The following SCAMP1 variants were observed in gnomAD, a reference collection of about 807,000 sequenced individuals.
The protein encoded by SCAMP1 is secretory carrier membrane protein 1.
SCAMP1 carries 15 observed loss-of-function variants against 41.8 expected under a neutral mutation model. The ratio of observed to expected loss-of-function variants is 0.36; its 90% confidence interval spans 0.24 to 0.55. The LOEUF (loss-of-function observed/expected upper bound fraction) is 0.55, where lower values mean the gene tolerates loss of function less well. Ranked by LOEUF, SCAMP1 falls within the 20% of genes least tolerant of loss-of-function variation. The pLI is 0.86. For synonymous variants in SCAMP1, 135 were observed against 136.8 expected (o/e 0.99, Z 0.09); for missense variants, 341 against 412.6 (o/e 0.83, Z 1.50).
chr5:78,379,561 C>T (rs1309202488), intron 1 of SCAMP1, among the ~76,000 whole-genome samples: 6 of 152,110 alleles, frequency 3.9e-5, no homozygotes, highest in Non-Finnish European at 8.8e-5. Context: ...TATCAAATTG[C>T]CTGTTAACTT....
At chr5:78,415,879 C>G (rs1202620491) in intron 3 of SCAMP1, among the ~76,000 whole-genome samples, 2 of 151,862 alleles carry the variant, frequency 1.3e-5, no homozygotes, top group Non-Finnish European at 2.9e-5. Context: ...TGCCTTTGGT[C>G]CCACTTTTTA....
intron 2 of SCAMP1, among the ~76,000 whole-genome samples, chr5:78,407,875 G>A (rs1751972789): frequency 6.6e-6 from 1 of 152,088 alleles, no homozygotes; most frequent in Non-Finnish European, 1.5e-5. Context: ...AATTCTGATA[G>A]TCTCTTGTTA....
chr5:78,403,816 T>G (rs1322157074), intron 2 of SCAMP1, among the ~76,000 whole-genome samples: 1 of 151,704 alleles, frequency 6.6e-6, no homozygotes, highest in Non-Finnish European at 1.5e-5. Flanking sequence ...AAATACAAAA[T>G]TAGCTGGGTG....
chr5:78,398,293 G>A (rs1360989191), intron 2 of SCAMP1, among the ~76,000 whole-genome samples: 1 of 150,278 alleles, frequency 6.7e-6, no homozygotes, highest in Non-Finnish European at 1.5e-5. Flanking sequence ...TCAAACAATT[G>A]GTGAATCTAT....
chr5:78,401,393 G>A (rs1751794312), intron 2 of SCAMP1, among the ~76,000 whole-genome samples: 2 of 152,126 alleles, frequency 1.3e-5, no homozygotes, highest in South Asian at 4.1e-4. Flanking sequence ...GATTGAGACT[G>A]TATGGAATTA....
chr5:78,364,838 A>G (rs1181791002), intron 1 of SCAMP1, among the ~76,000 whole-genome samples: 1 of 136,842 alleles, frequency 7.3e-6, no homozygotes, highest in Non-Finnish European at 1.5e-5. Context: ...GAATAATGAG[A>G]ACACTTGGAC....
chr5:78,388,947 TGA>T (rs1751417059), intron 2 of SCAMP1, 33 bp downstream of exon 2: 2 of 1,079,126 alleles, frequency 1.9e-6, no homozygotes, highest in Non-Finnish European at 2.7e-6. Flanking sequence ...ATGTTTAAAT[TGA>T]AATTCAGTAG....
intron 6 of SCAMP1, among the ~76,000 whole-genome samples, chr5:78,428,868 G>A (rs1752530199): frequency 6.6e-6 from 1 of 151,878 alleles, no homozygotes; most frequent in Non-Finnish European, 1.5e-5. Context: ...TCCTTTTTAT[G>A]TTATTTTAGG....
At chr5:78,406,929 A>G (rs983479633) in intron 2 of SCAMP1, among the ~76,000 whole-genome samples, 2 of 151,748 alleles carry the variant, frequency 1.3e-5, no homozygotes, top group Non-Finnish European at 2.9e-5. Context: ...TTTGTCTCCA[A>G]CTCTGCACAC....
intron 7 of SCAMP1, among the ~76,000 whole-genome samples, chr5:78,452,330 C>T (rs1433641920): frequency 4.5e-5 from 6 of 133,674 alleles, no homozygotes; most frequent in Admixed American, 7.6e-5. Flanking sequence ...GCTATCCCTC[C>T]CCCCTCCCTC....
chr5:78,456,366 T>C (rs1023104459), intron 7 of SCAMP1, among the ~76,000 whole-genome samples: 1 of 152,222 alleles, frequency 6.6e-6, no homozygotes, highest in African/African-American at 2.4e-5. Flanking sequence ...AGGAACTCTT[T>C]TAGGGCAGGC....
intron 7 of SCAMP1, among the ~76,000 whole-genome samples, chr5:78,457,142 A>G (rs938575493): frequency 1.3e-5 from 2 of 149,738 alleles, no homozygotes; most frequent in African/African-American, 5.0e-5. Context: ...GTCCTCCCGT[A>G]GCTCAGAGTA....
chr5:78,429,551 G>T (rs1752551623), intron 6 of SCAMP1, among the ~76,000 whole-genome samples: 1 of 151,880 alleles, frequency 6.6e-6, no homozygotes, highest in South Asian at 2.1e-4. Flanking sequence ...TTCCTTCTGG[G>T]AGTTGCAATG....
intron 1 of SCAMP1, among the ~76,000 whole-genome samples, chr5:78,379,504 A>G (rs1279540280): frequency 6.6e-6 from 1 of 152,186 alleles, no homozygotes; most frequent in Non-Finnish European, 1.5e-5. Flanking sequence ...TTTGTCATCT[A>G]ATACTGCATT....
chr5:78,469,927 A>C (rs1753842009), intron 8 of SCAMP1, among the ~76,000 whole-genome samples: 1 of 19,398 alleles, frequency 5.2e-5, no homozygotes, highest in Non-Finnish European at 1.0e-4. Context: ...AAAAAAAAAA[A>C]AAAAACAACA....
chr5:78,382,811 G>GTGTGTGTGTGTGTGTT (rs1189365616), intron 1 of SCAMP1, among the ~76,000 whole-genome samples: 953 of 69,254 alleles, frequency 0.014, 17 homozygotes, highest in African/African-American at 0.034. Flanking sequence ...GTGTGTGTGT[G>GTGTGTGTGTGTGTGTT]TGTGTGTGCG....
intron 1 of SCAMP1, among the ~76,000 whole-genome samples, chr5:78,387,079 C>T (rs553509439): frequency 3.3e-5 from 5 of 152,258 alleles, no homozygotes; most frequent in East Asian, 1.9e-4. Flanking sequence ...TCTTCTTCCT[C>T]GAGAACAATT....
intron 6 of SCAMP1, among the ~76,000 whole-genome samples, chr5:78,448,189 GT>G (rs781194684): frequency 9.5e-5 from 8 of 84,100 alleles, no homozygotes; most frequent in African/African-American, 1.9e-4. Context: ...CTTCCCTTTT[GT>G]TTTTTTTTGT....
intron 6 of SCAMP1, among the ~76,000 whole-genome samples, chr5:78,441,556 G>C (rs1174600643): frequency 3.3e-5 from 5 of 152,236 alleles, no homozygotes; most frequent in Admixed American, 2.0e-4. Context: ...GCCCATGCCT[G>C]TAATCCCAGC....
Sources: allele counts gnomAD v4.1 joint callset (sites outside exome capture counted in the v4.1 genomes callset), GRCh38; gene constraint gnomAD v4.1.1; transcripts MANE v1.5; gene names NCBI Gene and HGNC (gene_info 2026-07-23, HGNC 2026-07-21).